TRAPPC11: variants seen among roughly 807,000 people sequenced by gnomAD.
The protein encoded by TRAPPC11 is trafficking protein particle complex subunit 11.
A neutral mutation model predicts 151.2 loss-of-function variants in TRAPPC11; 104 were observed. The observed-to-expected ratio is 0.69, with a 90% confidence interval of 0.59 to 0.81. The LOEUF (loss-of-function observed/expected upper bound fraction) is 0.81. TRAPPC11 is among the 30% of genes least tolerant of loss of function. The pLI is 0.00. For missense variants in TRAPPC11, 1,230 were observed against 1,349.6 expected, an observed-to-expected ratio of 0.91 and a Z score of 1.39; for synonymous variants, 456 against 472.3, an observed-to-expected ratio of 0.97 and a Z score of 0.45.
intron 27 of TRAPPC11, 57 bp downstream of exon 27, chr4:183,705,127 AC>A (rs1240207878): frequency 3.8e-5 from 46 of 1,226,528 alleles, no homozygotes; most frequent in Non-Finnish European, 5.3e-5. Context: ...AGTTATTTTA[AC>A]CTCTAAGAGT....
At chr4:183,667,351 C>T (rs1422599945) in intron 4 of TRAPPC11, among the ~76,000 whole-genome samples, 1 of 152,112 alleles carries the variant, frequency 6.6e-6, no homozygotes, top group East Asian at 1.9e-4. Flanking sequence ...TCCCCTGTTC[C>T]ACTTGTCTTC....
chr4:183,688,573 G>A (rs556517972), intron 18 of TRAPPC11, among the ~76,000 whole-genome samples: 55 of 152,262 alleles, frequency 3.6e-4, no homozygotes, highest in African/African-American at 1.3e-3. Flanking sequence ...AACGTTATCT[G>A]TTTTATTAGG....
At chr4:183,674,295 A>G (rs1033846304) in intron 5 of TRAPPC11, among the ~76,000 whole-genome samples, 11 of 152,114 alleles carry the variant, frequency 7.2e-5, no homozygotes, top group African/African-American at 1.7e-4. Context: ...GCACATGCCT[A>G]TAGTCCCAGC....
At chr4:183,662,476 C>T (rs914050708) in intron 1 of TRAPPC11, among the ~76,000 whole-genome samples, 2 of 151,576 alleles carry the variant, frequency 1.3e-5, no homozygotes, top group African/African-American at 4.9e-5. Flanking sequence ...AAAGTCAGGG[C>T]ATACGTTAGA....
rs1736441378 is a variant in TRAPPC11, at chr4:183,694,709, T to C, written c.2614T>C (p.Cys872Arg). ...AACCGTTGAAGAAAAAGAAATTGTTTGCAAGTGTCACAAGGTATTTTTTTA... is the reference window on the plus strand; with the variant it reads ...AACCGTTGAAGAAAAAGAAATTGTTCGCAAGTGTCACAAGGTATTTTTTTA... ...NTTVEEKEIV[C>R]KCHKDETVTI... The change falls in exon 23 of 30, where the codon TGC (cysteine) becomes CGC (arginine). Residue 872 changes from cysteine to arginine, a missense_variant. Transcript: ENST00000334690. 1 of 1,607,704 alleles carries C rather than the reference T, an allele frequency of 6.2e-7. No homozygotes were observed. The highest frequency in any genetic ancestry group is 1.3e-5 in the African/African-American group (1 of 74,354).
chr4:183,701,831 C>T, intron 26 of TRAPPC11, 23 bp downstream of exon 26: 2 of 1,422,282 alleles, frequency 1.4e-6, no homozygotes, highest in Non-Finnish European at 2.0e-6. Flanking sequence ...TCAATCCTGT[C>T]TTTTCTTCAA....
rs773576468 is a variant in TRAPPC11 at position 183,663,857 on chromosome 4, A to G, written c.-11A>G. ...ACATTTGTATTTCAGGTTTTTTGTG[A>G]CATCGTAAACATGAGCCCCACACAG... is the stretch of plus-strand genomic sequence containing the variant. On this transcript the variant is annotated 5_prime_UTR_variant, in exon 2 of 30. Coordinates refer to ENST00000334690, the MANE Select transcript of TRAPPC11 (RefSeq NM_021942.6). 6.3e-7 allele frequency: 1 copy of G among 1,583,178 alleles called. No homozygotes were observed. The highest frequency in any genetic ancestry group is 8.6e-7 in the Non-Finnish European group (1 of 1,159,960).
At chr4:183,684,913 T>A in intron 15 of TRAPPC11, 72 bp downstream of exon 15, 1 of 1,459,608 alleles carries the variant, frequency 6.9e-7, no homozygotes, top group Non-Finnish European at 9.4e-7. Flanking sequence ...TTTTAAAATT[T>A]AAAGAATAAT....
At chr4:183,695,471 G>A (rs992891085) in intron 23 of TRAPPC11, among the ~76,000 whole-genome samples, 1 of 152,150 alleles carries the variant, frequency 6.6e-6, no homozygotes, top group Non-Finnish European at 1.5e-5. Context: ...TTCACAACTC[G>A]AAGGCAACTG....
At chr4:183,683,721 T>C (rs1455620801) in intron 11 of TRAPPC11, 1 of 490,670 alleles carries the variant, frequency 2.0e-6, no homozygotes, top group Non-Finnish European at 3.7e-6. Flanking sequence ...GAGGATGATA[T>C]TGACATTGCT....
chr4:183,701,423 GC>G, intron 25 of TRAPPC11: 1 of 301,740 alleles, frequency 3.3e-6, no homozygotes, highest in South Asian at 7.4e-5. Flanking sequence ...CTGTCTCTAA[GC>G]TTTTTGCATT....
At position 183,666,374 on chromosome 4, in the gene TRAPPC11, C is replaced by T. The variant is rs1734883888; in HGVS notation, c.322C>T (p.Pro108Ser). ...GTTCTATGAACTGGACTGGGATGAG[C>T]CTCAGTGGAAAGAAAAGCAGTCTGA... Reference protein sequence around the residue: ...VVFYELDWDEPQWKEKQSECA... With the variant: ...VVFYELDWDESQWKEKQSECA... The change falls in exon 3 of 30, where the codon CCT becomes TCT. Residue 108 changes from proline to serine, a missense_variant. Pro to Ser is a moderately conservative substitution (Grantham distance 74, BLOSUM62 -1). Coordinates refer to ENST00000334690, the MANE Select transcript of TRAPPC11 (RefSeq NM_021942.6). 1 of 1,614,032 alleles carries T rather than the reference C, an allele frequency of 6.2e-7. No individual in the cohort carries two copies. Among genetic ancestry groups the T allele is most frequent in the Non-Finnish European group, 8.5e-7 (1 of 1,179,924 alleles).
chr4:183,710,290 CT>C (rs67614237), intron 29 of TRAPPC11, among the ~76,000 whole-genome samples: 67,668 of 146,482 alleles, frequency 0.46, 16,523 homozygotes, highest in South Asian at 0.66. Flanking sequence ...AGAAAATAAA[CT>C]TTTTTTTTTT....
In TRAPPC11 at chr4:183,684,830, T is replaced by C; in HGVS notation, c.1556T>C (p.Leu519Pro). Residue 519 changes from leucine to proline, a missense_variant, in exon 15 of 30, where the codon CTC becomes CCC. By Grantham distance (98) the Leu-to-Pro change is moderately conservative. Transcript: ENST00000334690. ...LKDYITYSLE[L>P]LGRASTLKDD... ...GATTACATTACTTACTCCCTAGAAC[T>C]CCTTGGTAGAGGTAACCTGATGTTT... 6.2e-7 allele frequency: 1 copy of C among 1,612,934 alleles called. No individual in the cohort carries two copies. The highest frequency in any genetic ancestry group is 8.5e-7 in the Non-Finnish European group (1 of 1,179,454).
intron 7 of TRAPPC11, among the ~76,000 whole-genome samples, chr4:183,676,953 C>T (rs555512283): frequency 1.6e-4 from 25 of 151,802 alleles, no homozygotes; most frequent in African/African-American, 4.8e-4. Flanking sequence ...TTAGTAGAGA[C>T]GGGGTTTCAC....
chr4:183,680,679 CTTTTTTTT>C (rs71589581), intron 10 of TRAPPC11, among the ~76,000 whole-genome samples: 1 of 82,964 alleles, frequency 1.2e-5, no homozygotes, highest in East Asian at 4.1e-4. Flanking sequence ...TATGGAGACT[CTTTTTTTT>C]TTTTTTTTTT....
intron 27 of TRAPPC11, chr4:183,705,983 G>A (rs913142268): frequency 3.9e-5 from 6 of 151,902 alleles, no homozygotes; most frequent in Non-Finnish European, 5.9e-5. Flanking sequence ...AGATGAGCAC[G>A]GCCCTATGCA....
At chr4:183,683,699 G>A (rs532829288) in intron 11 of TRAPPC11, 28 of 389,870 alleles carry the variant, frequency 7.2e-5, no homozygotes, top group Non-Finnish European at 1.2e-4. Flanking sequence ...TCCAGCAAGT[G>A]TATCCTCTAT....
intron 5 of TRAPPC11, among the ~76,000 whole-genome samples, chr4:183,673,956 A>G (rs1735281920): frequency 6.6e-6 from 1 of 152,208 alleles, no homozygotes; most frequent in East Asian, 1.9e-4. Flanking sequence ...CTTATTTGCC[A>G]GTTCTCATTT....
Sources: gnomAD v4.1 joint callset for allele counts (sites outside exome capture counted in the v4.1 genomes callset) on GRCh38, gnomAD v4.1.1 for gene constraint, MANE v1.5 for transcripts, NCBI Gene and HGNC (gene_info 2026-07-23, HGNC 2026-07-21) for gene names.